Variants in CLBA1 observed in about 807,000 individuals in gnomAD.
CLBA1 encodes the protein clathrin binding box of aftiphilin containing 1.
CLBA1 carries 30 observed loss-of-function variants against 28.8 expected under a neutral mutation model. The observed-to-expected ratio is 1.04, with a 90% confidence interval of 0.78 to 1.41. The LOEUF (loss-of-function observed/expected upper bound fraction) is 1.41, where lower values mean the gene tolerates loss of function less well. Among genes scored for constraint, CLBA1 ranks in the 40% most tolerant of loss-of-function variants. The pLI is 0.00. For missense variants in CLBA1, 451 were observed against 412.3 expected, an observed-to-expected ratio of 1.09 and a Z score of -0.81; for synonymous variants, 160 against 152.8, an observed-to-expected ratio of 1.05 and a Z score of -0.35.
At position 104,995,387 on chromosome 14, in the gene CLBA1, G is replaced by T. The variant is rs1220886178; in HGVS notation, c.*628G>T. Reference sequence around the variant, plus strand: ...GGACAGGAGGTCGCACCACTGGCCTGCGAGAGCCTCTGGTGGGCCCGTGGC... The same window carrying T: ...GGACAGGAGGTCGCACCACTGGCCTTCGAGAGCCTCTGGTGGGCCCGTGGC... On this transcript the variant is annotated 3_prime_UTR_variant, in exon 5 of 5. Coordinates refer to ENST00000547315, the MANE Select transcript of CLBA1 (RefSeq NM_174891.4). 1 of 985,316 alleles carries T rather than the reference G, an allele frequency of 1.0e-6. No individual in the cohort carries two copies. Among genetic ancestry groups the T allele is most frequent in the African/African-American group, 1.7e-5 (1 of 57,220 alleles). The allele number at this position is 985,316 out of a possible 1,614,324, so 61.0% of individuals were successfully genotyped here.
chr14:104,994,013 G>C (rs1900106546), intron 4 of CLBA1: 1 of 985,304 alleles, frequency 1.0e-6, no homozygotes, highest in South Asian at 4.7e-5. Context: ...GCTGACATGG[G>C]GTGGGTTCCC....
At position 104,995,395 on chromosome 14, in the gene CLBA1, C is replaced by T. The variant is rs559612634; in HGVS notation, c.*636C>T. 1 of 985,336 alleles carries T rather than the reference C, an allele frequency of 1.0e-6. No homozygotes were observed. 61.0% of individuals were successfully genotyped at this position (985,336 alleles called of 1,614,324 possible). ...GGTCGCACCACTGGCCTGCGAGAGC[C>T]TCTGGTGGGCCCGTGGCTTCCCCCA... On this transcript the variant is annotated 3_prime_UTR_variant, in exon 5 of 5. Coordinates refer to ENST00000547315, the MANE Select transcript of CLBA1 (RefSeq NM_174891.4).
chr14:104,989,808 G>A, intron 2 of CLBA1: 1 of 422,950 alleles, frequency 2.4e-6, no homozygotes, highest in Non-Finnish European at 4.9e-6. Flanking sequence ...TCTCCCAGCA[G>A]CCAGGGGAGA....
At chr14:105,000,932 G>GAGAT (rs1900254657) in intron 2 of CLBA1, among the ~76,000 whole-genome samples, 1 of 152,050 alleles carries the variant, frequency 6.6e-6, no homozygotes, top group Non-Finnish European at 1.5e-5. Flanking sequence ...GTATGTTGAA[G>GAGAT]AGATACCCGC....
Position 104,986,410 on chromosome 14 carries a change from C to T in CLBA1, c.-22C>T, listed in dbSNP as rs537252980. On this transcript the variant is annotated 5_prime_UTR_variant, in exon 1 of 5. Transcript: ENST00000547315. ...TCCTGAGCAGCTGCCCATCGGGCCT[C>T]TGCTGGCCTGGGGGCTCCAAGATGC... 4 of 1,607,932 alleles carry T rather than the reference C, an allele frequency of 2.5e-6. No individual in the cohort carries two copies. Among genetic ancestry groups the T allele is most frequent in the Non-Finnish European group, 2.5e-6 (3 of 1,178,410 alleles).
downstream of CLBA1, among the ~76,000 whole-genome samples, chr14:104,997,970 T>C (rs1321248280): frequency 6.6e-6 from 1 of 151,704 alleles, no homozygotes; most frequent in Admixed American, 6.6e-5. Flanking sequence ...GATCACGCCA[T>C]TGCACTCCAG....
Position 104,986,369 on chromosome 14 carries a change from C to G in CLBA1, c.-63C>G. On this transcript the variant is annotated 5_prime_UTR_variant, in exon 1 of 5. Coordinates refer to ENST00000547315, the MANE Select transcript of CLBA1 (RefSeq NM_174891.4). ...GTTGGGCAGTCCTGGGCGGCCAGCA[C>G]CCCGGCGTGCATGTCTCCTGAGCAG... is the stretch of plus-strand genomic sequence containing the variant. 1 of 1,543,444 alleles carries G rather than the reference C, an allele frequency of 6.5e-7. No individual in the cohort carries two copies. The highest frequency in any genetic ancestry group is 2.3e-5 in the East Asian group (1 of 43,412).
chr14:104,988,128 G>A (rs1301277430), intron 1 of CLBA1, among the ~76,000 whole-genome samples: 2 of 152,106 alleles, frequency 1.3e-5, no homozygotes, highest in Non-Finnish European at 2.9e-5. Context: ...CCCCAGCTGA[G>A]CTGGGGCCCG....
Position 104,988,983 on chromosome 14 carries a change from A to G in CLBA1, c.464A>G (p.Gln155Arg), listed in dbSNP as rs757262516. 19 of 1,613,022 alleles carry G rather than the reference A, an allele frequency of 1.2e-5. No homozygotes were observed. Among genetic ancestry groups the G allele is most frequent in the Non-Finnish European group, 1.5e-5 (18 of 1,179,370 alleles). The change falls in exon 2 of 5, where the codon CAA (glutamine) becomes CGA (arginine). Residue 155 changes from glutamine (Q) to arginine (R), a missense_variant. Coordinates refer to ENST00000547315, the MANE Select transcript of CLBA1 (RefSeq NM_174891.4). Reference sequence around the variant, plus strand: ...GAGAACATTTTAAAGTGTGCTTTTCAAGAAATAACAGTCCAGCAGGCAGCT... The same window carrying G: ...GAGAACATTTTAAAGTGTGCTTTTCGAGAAATAACAGTCCAGCAGGCAGCT... Reference protein sequence around the residue: ...SYENILKCAFQEITVQQAAED... With the variant: ...SYENILKCAFREITVQQAAED...
rs924954116 is a variant in CLBA1, at chr14:104,989,317, G to A, written c.569+229G>A. On this transcript the variant is annotated intron_variant, in intron 2 of 4. Transcript: ENST00000547315. ...ATCCTCCTCCCCAGCCAGCTCACCT[G>A]GAGCAGCTGGACCCAAGCCCAGCTC... 5 of 502,902 alleles carry A rather than the reference G, an allele frequency of 9.9e-6. No homozygotes were observed. In the Admixed American group the frequency reaches 1.6e-4, roughly 16 times the overall value. 31.2% of individuals were successfully genotyped at this position (502,902 alleles called of 1,614,324 possible).
At position 104,989,106 on chromosome 14, in the gene CLBA1, T is replaced by C; in HGVS notation, c.569+18T>C. On this transcript the variant is annotated intron_variant, in intron 2 of 4. Coordinates refer to ENST00000547315, the MANE Select transcript of CLBA1 (RefSeq NM_174891.4). ...AAATTGTGGTAATGAACTGAAGAAA[T>C]ATTTCTTACAGCAACTGCTTTTGTA... is the stretch of plus-strand genomic sequence containing the variant. 2 of 1,597,240 alleles carry C rather than the reference T, an allele frequency of 1.3e-6. No homozygotes were observed. Among genetic ancestry groups the C allele is most frequent in the Non-Finnish European group, 1.7e-6 (2 of 1,171,916 alleles).
rs1899950403 is a variant in CLBA1, at chr14:104,989,175, T to C, written c.569+87T>C. ...AGGTGTGTGAGGCTTTGTTTTTGCC[T>C]TTATGGAGAGTAGCATCTCTCCTGA... On this transcript the variant is annotated intron_variant, in intron 2 of 4. Coordinates refer to ENST00000547315, the MANE Select transcript of CLBA1 (RefSeq NM_174891.4). 2.2e-6 allele frequency: 3 copies of C among 1,394,284 alleles called. No individual in the cohort carries two copies. In the South Asian group the frequency reaches 4.0e-5, roughly 18 times the overall value. 86.4% of individuals were successfully genotyped at this position (1,394,284 alleles called of 1,614,324 possible). A position where few individuals can be genotyped will look rare whatever the true frequency, so the allele number is the denominator to read the frequency against.
chr14:104,994,275 A>T (rs1474334055), intron 4 of CLBA1: 3 of 985,296 alleles, frequency 3.0e-6, no homozygotes, highest in Non-Finnish European at 3.6e-6. Context: ...GAGGGCTGTG[A>T]GTGTGCAGGG....
chr14:104,986,133 C>G lies in CLBA1; in HGVS notation c.-299C>G, dbSNP rs1469121989. ...GAGCAGGAGCCCCACCTTGGGCCGC[C>G]CCTCTCACACCTGCCGTGGGTCTGG... On this transcript the variant is annotated 5_prime_UTR_variant, in exon 1 of 5. Coordinates refer to ENST00000547315, the MANE Select transcript of CLBA1 (RefSeq NM_174891.4). 3 of 460,652 alleles carry G rather than the reference C, an allele frequency of 6.5e-6. No homozygotes were observed. The highest frequency in any genetic ancestry group is 1.2e-5 in the Non-Finnish European group (3 of 249,598). 28.5% of individuals were successfully genotyped at this position (460,652 alleles called of 1,614,324 possible).
chr14:104,986,162 G>T lies in CLBA1; in HGVS notation c.-270G>T. 1.9e-6 allele frequency: 1 copy of T among 522,952 alleles called. No homozygotes were observed. The highest frequency in any genetic ancestry group is 3.5e-6 in the Non-Finnish European group (1 of 288,100). The allele number at this position is 522,952 out of a possible 1,614,324, so 32.4% of individuals were successfully genotyped here. A position where few individuals can be genotyped will look rare whatever the true frequency, so the allele number is the denominator to read the frequency against. ...CTCACACCTGCCGTGGGTCTGGTAC[G>T]CGCCTCTGTGTCGGACTCCGCGCCC... On this transcript the variant is annotated 5_prime_UTR_variant, in exon 1 of 5. Coordinates refer to ENST00000547315, the MANE Select transcript of CLBA1 (RefSeq NM_174891.4).
At chr14:104,989,926 T>C in intron 2 of CLBA1, 2 of 342,008 alleles carry the variant, frequency 5.8e-6, no homozygotes, top group East Asian at 1.5e-4. Flanking sequence ...TGTCCTCTGC[T>C]GGGGTCCAAC....
At chr14:104,989,642 T>TC (rs1285305982) in intron 2 of CLBA1, 1 of 456,028 alleles carries the variant, frequency 2.2e-6, no homozygotes, top group Non-Finnish European at 4.4e-6. Context: ...GGACACACTT[T>TC]CAACTGAGCA....
chr14:104,991,979 C>A (rs1180945630), intron 3 of CLBA1, among the ~76,000 whole-genome samples: 1 of 147,764 alleles, frequency 6.8e-6, no homozygotes, highest in Non-Finnish European at 1.5e-5. Flanking sequence ...CACACACACG[C>A]CTCACACGCC....
At chr14:104,988,839 T>C in intron 1 of CLBA1, 104 bp from the exon 2 acceptor site, 1 of 1,198,458 alleles carries the variant, frequency 8.3e-7, no homozygotes, top group Admixed American at 2.4e-5. Flanking sequence ...AATGGTATGA[T>C]CAATTACAAA....
Sources: allele counts gnomAD v4.1 joint callset (sites outside exome capture counted in the v4.1 genomes callset), GRCh38; gene constraint gnomAD v4.1.1; transcripts MANE v1.5; gene names NCBI Gene and HGNC (gene_info 2026-07-23, HGNC 2026-07-21).